Variants in TAFA2 observed in about 807,000 individuals in gnomAD.
The protein encoded by TAFA2 is chemokine-like protein TAFA-2.
In TAFA2, 7 loss-of-function variants were observed where a neutral mutation model predicts 18.8. The observed-to-expected ratio is 0.37, with a 90% CI of 0.21 to 0.70. The LOEUF (loss-of-function observed/expected upper bound fraction) is 0.70. Ranked by LOEUF, TAFA2 falls within the 30% of genes least tolerant of loss-of-function variation. TAFA2 has a pLI of 0.53. For synonymous variants in TAFA2, 60 were observed against 54.2 expected, an observed-to-expected ratio of 1.11 and a Z score of -0.47; for missense variants, 122 against 158.1, an observed-to-expected ratio of 0.77 and a Z score of 1.23.
chr12:61,866,798 A>T (rs1209405397), intron 2 of TAFA2, among the ~76,000 whole-genome samples: 1 of 152,218 alleles, frequency 6.6e-6, no homozygotes, highest in Admixed American at 6.5e-5. Context: ...ATATAGACAT[A>T]TTATTGAGAT....
intron 1 of TAFA2, among the ~76,000 whole-genome samples, chr12:62,157,448 G>A (rs1162862664): frequency 6.6e-6 from 1 of 152,144 alleles, no homozygotes; most frequent in Non-Finnish European, 1.5e-5. Context: ...TGGTGTCAGA[G>A]TAGTCAGGAA....
intron 2 of TAFA2, among the ~76,000 whole-genome samples, chr12:61,799,813 C>T (rs1871336797): frequency 6.6e-6 from 1 of 152,080 alleles, no homozygotes; most frequent in African/African-American, 2.4e-5. Flanking sequence ...CAGAGCAAGA[C>T]TCCGTCTCAA....
chr12:61,963,986 A>G (rs979464249), intron 1 of TAFA2, among the ~76,000 whole-genome samples: 6 of 152,046 alleles, frequency 3.9e-5, no homozygotes, highest in African/African-American at 1.4e-4. Context: ...AGGATTCCCT[A>G]TTTAATAAAT....
chr12:62,195,310 T>A (rs1216791218), upstream of TAFA2, among the ~76,000 whole-genome samples: 2 of 152,222 alleles, frequency 1.3e-5, no homozygotes, highest in African/African-American at 2.4e-5. Context: ...ATTCACAGCA[T>A]CTTCACCATG....
chr12:61,735,410 A>G (rs1868288425), intron 4 of TAFA2, among the ~76,000 whole-genome samples: 1 of 152,092 alleles, frequency 6.6e-6, no homozygotes, highest in African/African-American at 2.4e-5. Flanking sequence ...ATTGACACAT[A>G]ATAATTGTAC....
chr12:62,082,552 G>A (rs1023157920), intron 1 of TAFA2, among the ~76,000 whole-genome samples: 4 of 152,158 alleles, frequency 2.6e-5, no homozygotes, highest in Non-Finnish European at 4.4e-5. Flanking sequence ...GCAGTGAGGC[G>A]CTGGGGCTAT....
chr12:62,029,521 C>G (rs768664558), intron 1 of TAFA2, among the ~76,000 whole-genome samples: 3 of 152,044 alleles, frequency 2.0e-5, no homozygotes, highest in Admixed American at 2.0e-4. Flanking sequence ...ATGTCCCATG[C>G]CTGAGGAACT....
chr12:61,829,854 A>G (rs1255929895), intron 2 of TAFA2, among the ~76,000 whole-genome samples: 2 of 151,938 alleles, frequency 1.3e-5, no homozygotes, highest in East Asian at 3.9e-4. Flanking sequence ...AAGTACAAAA[A>G]GAAGCCTTAA....
chr12:61,950,055 A>G (rs1436224200), intron 1 of TAFA2, among the ~76,000 whole-genome samples: 2 of 152,142 alleles, frequency 1.3e-5, no homozygotes, highest in East Asian at 3.9e-4. Context: ...CACTTAGCAT[A>G]ATGTCCTCAA....
At chr12:61,938,778 C>T (rs950167012) in intron 1 of TAFA2, among the ~76,000 whole-genome samples, 1 of 152,116 alleles carries the variant, frequency 6.6e-6, no homozygotes, top group South Asian at 2.1e-4. Context: ...GAGCTAGAGG[C>T]CATTATTCTA....
chr12:62,182,270 C>A (rs1006687051), intron 1 of TAFA2, among the ~76,000 whole-genome samples: 3 of 152,074 alleles, frequency 2.0e-5, no homozygotes, highest in African/African-American at 7.2e-5. Flanking sequence ...AAAATATGTT[C>A]TCTAAATGGA....
intron 4 of TAFA2, among the ~76,000 whole-genome samples, chr12:61,738,496 G>T (rs1371931777): frequency 6.6e-6 from 1 of 152,038 alleles, no homozygotes; most frequent in Admixed American, 6.6e-5. Context: ...AGAAAAAGAA[G>T]AATTGTCTCC....
At chr12:62,017,674 A>G (rs1354320451) in intron 1 of TAFA2, among the ~76,000 whole-genome samples, 1 of 152,282 alleles carries the variant, frequency 6.6e-6, no homozygotes, top group African/African-American at 2.4e-5. Context: ...ATAACTTTCT[A>G]CAAGTTAAAT....
intron 1 of TAFA2, chr12:62,253,566 C>T (rs941025239): frequency 3.3e-5 from 5 of 152,166 alleles, no homozygotes; most frequent in Non-Finnish European, 7.3e-5. Context: ...TTCCTTGTTC[C>T]TTCTAAATTC....
At chr12:61,767,520 C>A (rs902529041) in intron 2 of TAFA2, among the ~76,000 whole-genome samples, 1 of 151,942 alleles carries the variant, frequency 6.6e-6, no homozygotes. Context: ...TTGAAGCCAG[C>A]AAGAGCCCTA....
intron 1 of TAFA2, among the ~76,000 whole-genome samples, chr12:62,065,792 T>G (rs2136794924): frequency 6.6e-6 from 1 of 151,666 alleles, no homozygotes; most frequent in Non-Finnish European, 1.5e-5. Context: ...ACCTCAAAAG[T>G]AATATTTACA....
At chr12:61,943,613 A>G (rs918477195) in intron 1 of TAFA2, among the ~76,000 whole-genome samples, 1 of 151,814 alleles carries the variant, frequency 6.6e-6, no homozygotes, top group Non-Finnish European at 1.5e-5. Context: ...AGGAAGATCT[A>G]CCAAGCCAAT....
At chr12:62,017,356 G>A (rs527746431) in intron 1 of TAFA2, among the ~76,000 whole-genome samples, 2 of 152,110 alleles carry the variant, frequency 1.3e-5, no homozygotes, top group South Asian at 2.1e-4. Flanking sequence ...TTAGATATTC[G>A]TATTTTGTTA....
chr12:62,205,766 C>T (rs2062689156), intron 1 of TAFA2, among the ~76,000 whole-genome samples: 1 of 152,316 alleles, frequency 6.6e-6, no homozygotes, highest in Middle Eastern at 3.4e-3. Flanking sequence ...GCCCCTCCCC[C>T]TGCAAACTCA....
Sources: gnomAD v4.1 joint callset for allele counts (sites outside exome capture counted in the v4.1 genomes callset) on GRCh38, gnomAD v4.1.1 for gene constraint, MANE v1.5 for transcripts, NCBI Gene and HGNC (gene_info 2026-07-23, HGNC 2026-07-21) for gene names.